The following IL31RA variants were observed in gnomAD, a reference collection of about 807,000 sequenced individuals.
IL31RA encodes the protein interleukin 31 receptor A, also known as interleukin-31 receptor subunit alpha.
In IL31RA, 66 loss-of-function variants were observed where a neutral mutation model predicts 83.7. That is an observed-to-expected ratio of 0.79 (90% CI 0.65 to 0.97). The LOEUF is 0.97. IL31RA is among the 50% of genes least tolerant of loss of function. IL31RA has a pLI of 0.00. For synonymous variants in IL31RA, 325 were observed against 329.0 expected (o/e 0.99, Z 0.13); for missense variants, 798 against 919.4 (o/e 0.87, Z 1.71).
At position 55,893,191 on chromosome 5, in the gene IL31RA, T is replaced by A. The variant is rs144652179; in HGVS notation, c.772+3056T>A. Among the ~76,000 whole-genome samples, 375 of 152,374 alleles carry A rather than the reference T, an allele frequency of 2.5e-3. 6 individuals carry two copies. The highest frequency in any genetic ancestry group is 8.4e-3 in the African/African-American group (348 of 41,592). ...ACTACATGATACAGAAATAATTTGA[T>A]TCAAATCCTGGCTTTATTTCTTAAA... On this transcript the variant is annotated intron_variant, in intron 6 of 14. Transcript: ENST00000652347.
chr5:55,874,344 T>C (rs946545850), intron 4 of IL31RA, among the ~76,000 whole-genome samples: 8 of 152,104 alleles, frequency 5.3e-5, no homozygotes, highest in African/African-American at 1.9e-4. Context: ...GGAAAGTGAG[T>C]CCTCCAACTG....
chr5:55,856,394 C>A (rs918535955), intron 1 of IL31RA, among the ~76,000 whole-genome samples: 9 of 152,150 alleles, frequency 5.9e-5, no homozygotes, highest in African/African-American at 2.2e-4. Context: ...ACCAGTTATT[C>A]AAAACTGCTG....
rs1291185945 is a variant in IL31RA, at chr5:55,907,439, C to G, written c.1333C>G (p.Gln445Glu). 4 of 1,611,524 alleles carry G rather than the reference C, an allele frequency of 2.5e-6. No homozygotes were observed. In the African/African-American group the frequency reaches 4.0e-5, roughly 16 times the overall value. The change falls in exon 10 of 15, where the codon CAG becomes GAG. Residue 445 changes from glutamine to glutamate, a missense_variant. By Grantham distance (29) the Gln-to-Glu change is conservative (BLOSUM62 2). Transcript: ENST00000652347. The stretch of plus-strand genomic sequence containing the variant: ...CAAAGTTGGCGAGCCATATTCCATC[C>G]AGGCTTATGCCAAAGAAGGCGGTAT... ...HDKVGEPYSI[Q>E]AYAKEGVPSE... is the part of the protein sequence containing the mutation.
intron 12 of IL31RA, among the ~76,000 whole-genome samples, chr5:55,912,360 A>G (rs1036777252): frequency 2.0e-5 from 3 of 152,092 alleles, no homozygotes; most frequent in Non-Finnish European, 4.4e-5. Context: ...GCCTCTATTT[A>G]TCTTCCTTAC....
chr5:55,850,112 T>TA (rs1745017609), upstream of IL31RA, among the ~76,000 whole-genome samples: 5 of 152,202 alleles, frequency 3.3e-5, no homozygotes, highest in South Asian at 1.0e-3. Context: ...TGATCCTTTG[T>TA]ATGTGACTTA....
intron 6 of IL31RA, among the ~76,000 whole-genome samples, chr5:55,893,417 G>T (rs1748138102): frequency 6.6e-6 from 1 of 152,198 alleles, no homozygotes; most frequent in Non-Finnish European, 1.5e-5. Context: ...CTGGTTGTGG[G>T]GATGCCCATA....
chr5:55,845,443 G>A, the IL31RA span, among the ~76,000 whole-genome samples: 1 of 152,200 alleles, frequency 6.6e-6, no homozygotes, highest in Admixed American at 6.5e-5. Flanking sequence ...TTGAGGGCAG[G>A]TGATATGGTT....
At chr5:55,875,721 G>A (rs916045965) in intron 4 of IL31RA, among the ~76,000 whole-genome samples, 6 of 151,970 alleles carry the variant, frequency 3.9e-5, no homozygotes, top group African/African-American at 1.2e-4. Flanking sequence ...AGCAAATTCA[G>A]TTACAAAGAA....
At chr5:55,916,492 T>G in intron 14 of IL31RA, 152 bp from the exon 15 acceptor site, 1 of 719,784 alleles carries the variant, frequency 1.4e-6, no homozygotes, top group Non-Finnish European at 2.5e-6. Flanking sequence ...TGGAAGGGCA[T>G]GCAGAGAGGG....
rs1746579394 is a variant in IL31RA at position 55,872,462 on chromosome 5, T to C, written c.454+11T>C. ...GATTAGAGAACATAGGTAAGTGTTA[T>C]TTGATACTCTTATATACTCTTTATT... On this transcript the variant is annotated intron_variant, in intron 4 of 14. Transcript: ENST00000652347. 6.6e-7 allele frequency: 1 copy of C among 1,518,746 alleles called. No homozygotes were observed. The highest frequency in any genetic ancestry group is 9.1e-7 in the Non-Finnish European group (1 of 1,096,292). 94.1% of individuals were successfully genotyped at this position (1,518,746 alleles called of 1,614,324 possible).
At chr5:55,883,226 T>G in intron 5 of IL31RA, 31 bp downstream of exon 5, 1 of 1,543,086 alleles carries the variant, frequency 6.5e-7, no homozygotes. Context: ...AATATTCCAA[T>G]TAGAGGCCCA....
intron 8 of IL31RA, among the ~76,000 whole-genome samples, chr5:55,902,807 A>AACCT (rs1748910438): frequency 6.6e-6 from 1 of 152,212 alleles, no homozygotes; most frequent in Non-Finnish European, 1.5e-5. Flanking sequence ...GAATTGTGCT[A>AACCT]AGATAACATA....
rs1381877622 is a variant in IL31RA at position 55,900,061 on chromosome 5, C to T, written c.998C>T (p.Ser333Phe). The T allele has an allele frequency of 6.2e-7, 1 of 1,614,010 alleles. No individual in the cohort carries two copies. Among genetic ancestry groups the T allele is most frequent in the Non-Finnish European group, 8.5e-7 (1 of 1,180,000 alleles). ...LHLGGESFWV[S>F]MISYNSLGKS... The stretch of plus-strand genomic sequence containing the variant: ...CTGGGAGGCGAGAGCTTTTGGGTGT[C>T]TATGATTTCTTATAATTCTCTTGGG... The change falls in exon 8 of 15, where the codon TCT becomes TTT. Residue 333 changes from serine (S) to phenylalanine (F), a missense_variant. Coordinates refer to ENST00000652347, the MANE Select transcript of IL31RA (RefSeq NM_139017.7).
In IL31RA at chr5:55,899,918, G is replaced by A. The variant is rs1177205281; in HGVS notation, c.855G>A (p.Lys285=). The change falls in exon 8 of 15, where the codon AAG becomes AAA. Residue 285 remains lysine (K), a splice_region_variant and synonymous_variant. Transcript: ENST00000652347. ...AATTTTGTTTTCTTTGGGTTCAGAAGGCAAGAGGAGCCCCAGTCCTAGAGA... is the reference window on the plus strand; with the variant it reads ...AATTTTGTTTTCTTTGGGTTCAGAAAGCAAGAGGAGCCCCAGTCCTAGAGA... ...GRRPVRLLWK[K]ARGAPVLEKT... 1 of 1,613,492 alleles carries A rather than the reference G, an allele frequency of 6.2e-7. No homozygotes were observed. The highest frequency in any genetic ancestry group is 8.5e-7 in the Non-Finnish European group (1 of 1,179,542).
intron 7 of IL31RA, among the ~76,000 whole-genome samples, chr5:55,899,456 C>A (rs577315291): frequency 6.6e-6 from 1 of 152,272 alleles, no homozygotes; most frequent in African/African-American, 2.4e-5. Context: ...AAGCTGGCTC[C>A]CTTCTCAGAG....
intron 10 of IL31RA, 110 bp from the exon 11 acceptor site, chr5:55,908,155 G>A (rs755271709): frequency 1.2e-5 from 18 of 1,475,752 alleles, no homozygotes; most frequent in Middle Eastern, 2.1e-4. Flanking sequence ...ACCCTCACCC[G>A]TCGCCTCCAG....
At chr5:55,889,082 A>G (rs1186558080) in intron 5 of IL31RA, among the ~76,000 whole-genome samples, 1 of 152,204 alleles carries the variant, frequency 6.6e-6, no homozygotes, top group African/African-American at 2.4e-5. Flanking sequence ...TCAGCTCAAA[A>G]TAAGCTTTAT....
chr5:55,867,224 T>TGCGC (rs1172906494), intron 2 of IL31RA, among the ~76,000 whole-genome samples: 2 of 104,560 alleles, frequency 1.9e-5, no homozygotes, highest in African/African-American at 1.4e-4. Context: ...TGTGTGTTTG[T>TGCGC]GTGTGTGTTT....
At chr5:55,886,268 C>CTTGCTCTTTTTTT (rs1235138364) in intron 5 of IL31RA, among the ~76,000 whole-genome samples, 2 of 71,510 alleles carry the variant, frequency 2.8e-5, no homozygotes, top group African/African-American at 1.5e-4. Context: ...TGCTTGCTTG[C>CTTGCTCTTTTTTT]TTTTTTTTTT....
Sources: allele counts gnomAD v4.1 joint callset (sites outside exome capture counted in the v4.1 genomes callset), GRCh38; gene constraint gnomAD v4.1.1; transcripts MANE v1.5; gene names NCBI Gene and HGNC (gene_info 2026-07-23, HGNC 2026-07-21).